The following NPAS3 variants were observed in gnomAD, a reference collection of about 807,000 sequenced individuals.
NPAS3 encodes the protein neuronal PAS domain-containing protein 3.
In NPAS3, 14 loss-of-function variants were observed where a neutral mutation model predicts 73.1. The ratio of observed to expected loss-of-function variants is 0.19; its 90% CI spans 0.13 to 0.30. The LOEUF (loss-of-function observed/expected upper bound fraction) is 0.30. Ranked by LOEUF, NPAS3 falls within the 10% of genes least tolerant of loss-of-function variation. NPAS3 has a pLI of 1.00. For missense variants in NPAS3, 1,096 were observed against 1,250.0 expected, an observed-to-expected ratio of 0.88 and a Z score of 1.86; for synonymous variants, 620 against 541.5, an observed-to-expected ratio of 1.14 and a Z score of -2.01.
At position 33,500,967 on chromosome 14, in the gene NPAS3, TATAAA is replaced by T. The variant is rs573853254; in HGVS notation, c.469-59147_469-59143del. 7.0e-3 allele frequency among the ~76,000 whole-genome samples: 1,061 copies of T among 152,098 alleles called. 8 individuals carry two copies. The highest frequency in any genetic ancestry group is 0.012 in the Non-Finnish European group (817 of 67,910). On this transcript the variant is annotated intron_variant, in intron 4 of 11. Transcript: ENST00000356141. ...GCTTCCTTGCTAATTAGGAACAACT[TATAAA>T]ATAAAAACCTTAGAAAATGTTTATT...
At chr14:33,312,410 TGA>T (rs1196471065) in intron 3 of NPAS3, among the ~76,000 whole-genome samples, 2 of 152,030 alleles carry the variant, frequency 1.3e-5, no homozygotes, top group Admixed American at 6.6e-5. Flanking sequence ...TGTGTGTGTG[TGA>T]GTGTGTGAAA....
At chr14:33,692,293 C>G (rs2140413421) in intron 6 of NPAS3, among the ~76,000 whole-genome samples, 1 of 152,230 alleles carries the variant, frequency 6.6e-6, no homozygotes, top group Non-Finnish European at 1.5e-5. Context: ...AATCCCCTCC[C>G]TCCAATGGGT....
intron 4 of NPAS3, among the ~76,000 whole-genome samples, chr14:33,368,321 AAAAG>A (rs956123953): frequency 2.6e-5 from 4 of 151,860 alleles, no homozygotes; most frequent in Admixed American, 1.3e-4. Context: ...AAAAAAAAAA[AAAAG>A]AAGAAAAAAT....
At chr14:33,254,591 A>G (rs1211235675) in intron 3 of NPAS3, among the ~76,000 whole-genome samples, 2 of 152,156 alleles carry the variant, frequency 1.3e-5, no homozygotes, top group Non-Finnish European at 2.9e-5. Context: ...TAAGTTAATT[A>G]TGTATTGAAG....
rs370452407 is a variant in NPAS3 at position 33,472,336 on chromosome 14, T to C, written c.469-87785T>C. ...GGGTTTTGCAGGATGTAGGGGGCCT[T>C]GAAGACTTTTTGTAAGGAGTTTTGT... On this transcript the variant is annotated intron_variant, in intron 4 of 11. Transcript: ENST00000356141. Among the ~76,000 whole-genome samples, 3 of 152,284 alleles carry C rather than the reference T, an allele frequency of 2.0e-5. No homozygotes were observed. In the East Asian group the frequency reaches 5.8e-4, roughly 29 times the overall value.
intron 7 of NPAS3, among the ~76,000 whole-genome samples, chr14:33,763,839 G>T (rs1258442986): frequency 1.5e-5 from 2 of 136,894 alleles, no homozygotes; most frequent in African/African-American, 3.4e-5. Context: ...AATTTGGGGA[G>T]TATTGGTTTT....
At chr14:33,558,666 T>G (rs2055483086) in intron 4 of NPAS3, among the ~76,000 whole-genome samples, 1 of 151,712 alleles carries the variant, frequency 6.6e-6, no homozygotes, top group African/African-American at 2.4e-5. Flanking sequence ...ATAATATACA[T>G]TCCCCCAAAA....
At chr14:33,736,872 TA>T (rs1485433666) in intron 7 of NPAS3, among the ~76,000 whole-genome samples, 1 of 152,170 alleles carries the variant, frequency 6.6e-6, no homozygotes, top group African/African-American at 2.4e-5. Context: ...TAATGTTGAT[TA>T]AAATTTTTTT....
chr14:33,066,105 T>C (rs2138611383), intron 2 of NPAS3, among the ~76,000 whole-genome samples: 1 of 152,176 alleles, frequency 6.6e-6, no homozygotes, highest in African/African-American at 2.4e-5. Context: ...GCAGCATGCT[T>C]TTCCAGAGAC....
chr14:33,466,073 A>G (rs2050510707), intron 4 of NPAS3, among the ~76,000 whole-genome samples: 1 of 152,184 alleles, frequency 6.6e-6, no homozygotes, highest in South Asian at 2.1e-4. Flanking sequence ...CACAATGAGC[A>G]TGCGCTTGAG....
intron 6 of NPAS3, among the ~76,000 whole-genome samples, chr14:33,712,087 A>G (rs1477363357): frequency 6.6e-6 from 1 of 152,156 alleles, no homozygotes; most frequent in Non-Finnish European, 1.5e-5. Flanking sequence ...GCAAATTGAC[A>G]TGCAAATAAG....
chr14:33,059,945 T>G (rs1351301266), intron 2 of NPAS3, among the ~76,000 whole-genome samples: 1 of 151,904 alleles, frequency 6.6e-6, no homozygotes, highest in Non-Finnish European at 1.5e-5. Context: ...CATGTCTGGC[T>G]TTTTTGTTTT....
At chr14:33,094,243 GT>G (rs1374002390) in intron 2 of NPAS3, among the ~76,000 whole-genome samples, 2 of 151,914 alleles carry the variant, frequency 1.3e-5, no homozygotes, top group African/African-American at 4.8e-5. Flanking sequence ...AATATTCTCT[GT>G]TTTCATATAA....
chr14:33,368,458 T>G (rs952402726), intron 4 of NPAS3, among the ~76,000 whole-genome samples: 2 of 152,068 alleles, frequency 1.3e-5, no homozygotes, highest in African/African-American at 4.8e-5. Context: ...AAATCAGAGT[T>G]TATAGGGTAA....
intron 7 of NPAS3, among the ~76,000 whole-genome samples, chr14:33,770,502 G>A (rs2062615714): frequency 6.6e-6 from 1 of 152,152 alleles, no homozygotes; most frequent in Non-Finnish European, 1.5e-5. Context: ...ACTCTTTGAG[G>A]ACAGATTTAC....
At chr14:33,703,399 C>T (rs905699159) in intron 6 of NPAS3, among the ~76,000 whole-genome samples, 3 of 152,040 alleles carry the variant, frequency 2.0e-5, no homozygotes, top group African/African-American at 7.2e-5. Context: ...GAGGCTGAGG[C>T]AGAAGGATTG....
chr14:33,649,090 CT>C (rs2058916607), intron 5 of NPAS3, among the ~76,000 whole-genome samples: 1 of 152,102 alleles, frequency 6.6e-6, no homozygotes, highest in South Asian at 2.1e-4. Context: ...CAAAACTGGC[CT>C]TTGTTTCCAT....
chr14:33,757,260 C>T (rs2062143521), intron 7 of NPAS3, among the ~76,000 whole-genome samples: 1 of 152,174 alleles, frequency 6.6e-6, no homozygotes, highest in South Asian at 2.1e-4. Context: ...GACAATGCTG[C>T]AACTTAATAT....
intron 4 of NPAS3, among the ~76,000 whole-genome samples, chr14:33,368,258 G>A (rs796728206): frequency 1.7e-4 from 26 of 150,606 alleles, no homozygotes; most frequent in African/African-American, 6.1e-4. Flanking sequence ...ACTACATTTA[G>A]CATATTATCT....
Sources: gnomAD v4.1 joint callset for allele counts (sites outside exome capture counted in the v4.1 genomes callset) on GRCh38, gnomAD v4.1.1 for gene constraint, MANE v1.5 for transcripts, NCBI Gene and HGNC (gene_info 2026-07-23, HGNC 2026-07-21) for gene names.